Variants in SLC36A1 observed in about 807,000 individuals in gnomAD.
SLC36A1 encodes solute carrier family 36 member 1.
A neutral mutation model predicts 47.5 loss-of-function variants in SLC36A1; 30 were observed. The observed-to-expected ratio is 0.63, with a 90% confidence interval of 0.47 to 0.86. The LOEUF is 0.86. Ranked by LOEUF, SLC36A1 falls within the 40% of genes least tolerant of loss-of-function variation. SLC36A1 has a pLI of 0.00. For missense variants in SLC36A1, 517 were observed against 606.0 expected, an observed-to-expected ratio of 0.85 and a Z score of 1.54; for synonymous variants, 255 against 249.7, an observed-to-expected ratio of 1.02 and a Z score of -0.20.
chr5:151,508,376 G>A, the SLC36A1 span, among the ~76,000 whole-genome samples: 33 of 152,246 alleles, frequency 2.2e-4, no homozygotes, highest in African/African-American at 6.0e-4. Context: ...TAGCATTCCC[G>A]ACTGCAAAGC....
chr5:151,545,890 AC>A, the SLC36A1 span: 9 of 1,614,188 alleles, frequency 5.6e-6, no homozygotes, highest in Non-Finnish European at 7.6e-6. Context: ...AATTATGTCA[AC>A]CACCACCATG....
At chr5:151,364,730 C>A in the SLC36A1 span, among the ~76,000 whole-genome samples, 808 of 152,144 alleles carry the variant, frequency 5.3e-3, 8 homozygotes, top group African/African-American at 0.018. Context: ...AGGAACTGAC[C>A]CATGTAACTG....
At chr5:151,421,220 C>T in the SLC36A1 span, among the ~76,000 whole-genome samples, 1 of 144,008 alleles carries the variant, frequency 6.9e-6, no homozygotes, top group Non-Finnish European at 1.5e-5. Context: ...TTCCTTCCTC[C>T]CTTTCTTTCC....
At chr5:151,478,172 A>G (rs1758329019) in intron 9 of SLC36A1, among the ~76,000 whole-genome samples, 1 of 152,240 alleles carries the variant, frequency 6.6e-6, no homozygotes, top group South Asian at 2.1e-4. Flanking sequence ...AAATTCAACC[A>G]CAGAGAAACT....
chr5:151,545,709 C>A, the SLC36A1 span: 4 of 1,614,130 alleles, frequency 2.5e-6, no homozygotes, highest in Non-Finnish European at 3.4e-6. Flanking sequence ...AGGCCTCCGG[C>A]TCCAAAATTT....
At chr5:151,481,344 C>T (rs1379700902) in intron 10 of SLC36A1, among the ~76,000 whole-genome samples, 1 of 152,044 alleles carries the variant, frequency 6.6e-6, no homozygotes, top group East Asian at 1.9e-4. Context: ...GCCTCTCTCA[C>T]CTTCCTTGGA....
chr5:151,406,762 G>A, the SLC36A1 span, among the ~76,000 whole-genome samples: 105 of 152,240 alleles, frequency 6.9e-4, no homozygotes, highest in African/African-American at 2.1e-3. Context: ...AGGCTCAGAG[G>A]GGAATTGAGA....
At chr5:151,348,365 G>C in the SLC36A1 span, among the ~76,000 whole-genome samples, 1 of 152,124 alleles carries the variant, frequency 6.6e-6, no homozygotes, top group Non-Finnish European at 1.5e-5. Context: ...CATTATCTCT[G>C]CTTCAGTGCA....
chr5:151,441,912 G>T (rs11951808), intron 1 of SLC36A1, among the ~76,000 whole-genome samples: 1 of 151,788 alleles, frequency 6.6e-6, no homozygotes, highest in Non-Finnish European at 1.5e-5. Context: ...TCCTCATGCC[G>T]CTTTATAATC....
At chr5:151,530,989 G>C in the SLC36A1 span, among the ~76,000 whole-genome samples, 1 of 152,214 alleles carries the variant, frequency 6.6e-6, no homozygotes, top group African/African-American at 2.4e-5. Context: ...GAGCCATGGG[G>C]AGGAATCTGT....
At chr5:151,452,020 C>A (rs1753730432) in intron 1 of SLC36A1, among the ~76,000 whole-genome samples, 1 of 152,148 alleles carries the variant, frequency 6.6e-6, no homozygotes, top group African/African-American at 2.4e-5. Context: ...AAGAAGGAAG[C>A]TGGAGCTTGA....
chr5:151,521,225 C>T, the SLC36A1 span: 7 of 1,526,742 alleles, frequency 4.6e-6, no homozygotes, highest in Admixed American at 1.9e-5. Flanking sequence ...TAGAGTCAGG[C>T]GGGCTGAGCC....
the SLC36A1 span, chr5:151,546,200 G>A: frequency 6.2e-7 from 1 of 1,614,156 alleles, no homozygotes; most frequent in East Asian, 2.2e-5. Flanking sequence ...ACTGTAGCCA[G>A]GTCATGCCAT....
the SLC36A1 span, among the ~76,000 whole-genome samples, chr5:151,519,086 G>A: frequency 6.6e-6 from 1 of 152,368 alleles, no homozygotes; most frequent in East Asian, 1.9e-4. Flanking sequence ...GCTCACACCT[G>A]TAATCCCAGA....
chr5:151,383,577 T>TTC, the SLC36A1 span, among the ~76,000 whole-genome samples: 1 of 149,058 alleles, frequency 6.7e-6, no homozygotes, highest in Non-Finnish European at 1.5e-5. Context: ...TTAAATTTTT[T>TTC]TTTTTTTTTT....
chr5:151,449,366 T>G (rs1195057198), intron 1 of SLC36A1, among the ~76,000 whole-genome samples: 1 of 152,230 alleles, frequency 6.6e-6, no homozygotes, highest in Non-Finnish European at 1.5e-5. Context: ...GTTAAAAATG[T>G]TCTTGAAGTC....
the SLC36A1 span, chr5:151,512,533 T>C: frequency 3.7e-6 from 6 of 1,614,168 alleles, no homozygotes; most frequent in Middle Eastern, 5.0e-4. This position sits in a 1 kb window ranked among gnomAD's most constrained non-coding sequence, Gnocchi z 4.1. Flanking sequence ...GTCATTCACA[T>C]GGCGCTGGGA....
chr5:151,401,158 C>T, the SLC36A1 span, among the ~76,000 whole-genome samples: 1 of 152,172 alleles, frequency 6.6e-6, no homozygotes, highest in African/African-American at 2.4e-5. Context: ...TCAGGTCCTA[C>T]ATTTAAAGCT....
the SLC36A1 span, among the ~76,000 whole-genome samples, chr5:151,358,744 C>T: frequency 9.2e-5 from 14 of 151,870 alleles, no homozygotes; most frequent in African/African-American, 3.4e-4. Flanking sequence ...GAGGCCGAGG[C>T]GGGTGGATCA....
Sources: allele counts gnomAD v4.1 joint callset (sites outside exome capture counted in the v4.1 genomes callset), GRCh38; gene constraint gnomAD v4.1.1; non-coding constraint Gnocchi (gnomAD v3.1); transcripts MANE v1.5; gene names NCBI Gene and HGNC (gene_info 2026-07-23, HGNC 2026-07-21).